NYAP2: variants seen among roughly 807,000 people sequenced by gnomAD.
NYAP2 encodes neuronal tyrosine-phosphorylated phosphoinositide-3-kinase adapter 2.
Under a neutral mutation model 50.4 loss-of-function variants are expected in NYAP2, and 23 were observed. The ratio of observed to expected loss-of-function variants is 0.46; its 90% CI spans 0.33 to 0.65. NYAP2 has a LOEUF of 0.65. NYAP2 is among the 30% of genes least tolerant of loss of function. The probability of loss-of-function intolerance (pLI) is 0.02; values close to 1 mark genes in which losing one functional copy is unlikely to be tolerated. For missense variants in NYAP2, 885 were observed against 861.0 expected, an observed-to-expected ratio of 1.03 and a Z score of -0.35; for synonymous variants, 394 against 365.2, an observed-to-expected ratio of 1.08 and a Z score of -0.90.
chr2:225,600,996 G>A (rs949707302), intron 5 of NYAP2, among the ~76,000 whole-genome samples: 2 of 152,076 alleles, frequency 1.3e-5, no homozygotes. Flanking sequence ...TGGCTATTTT[G>A]AGTAATACAA....
intron 3 of NYAP2, among the ~76,000 whole-genome samples, chr2:225,490,083 GAACTGTCTTTGACAAGTCA>G (rs1157044804): frequency 3.3e-5 from 5 of 152,166 alleles, no homozygotes; most frequent in African/African-American, 7.2e-5. Flanking sequence ...GAAACCTCCT[GAACTGTCTTTGACAAGTCA>G]AACTGTGTTT....
At chr2:225,426,968 A>G (rs1317074156) in intron 3 of NYAP2, among the ~76,000 whole-genome samples, 1 of 152,238 alleles carries the variant, frequency 6.6e-6, no homozygotes, top group East Asian at 1.9e-4. Flanking sequence ...TCATATAGCA[A>G]GTCATTGCTA....
chr2:225,470,794 A>AAT (rs879890030), intron 3 of NYAP2, among the ~76,000 whole-genome samples: 1 of 147,536 alleles, frequency 6.8e-6, no homozygotes, highest in Non-Finnish European at 1.5e-5. Flanking sequence ...TCTTACATGA[A>AAT]ATATATATGT....
At chr2:225,701,865 C>T in the NYAP2 span, 1 of 151,658 alleles carries the variant, frequency 6.6e-6, no homozygotes, top group East Asian at 1.9e-4. Context: ...TTTATTACTA[C>T]ATTTTGTTGG....
chr2:225,665,848 CAGAT>C, the NYAP2 span, among the ~76,000 whole-genome samples: 1 of 140,246 alleles, frequency 7.1e-6, no homozygotes, highest in Non-Finnish European at 1.5e-5. Flanking sequence ...GCCCACCACC[CAGAT>C]AGACAGGAGG....
At chr2:225,537,153 G>A (rs1691366635) in intron 4 of NYAP2, among the ~76,000 whole-genome samples, 1 of 151,982 alleles carries the variant, frequency 6.6e-6, no homozygotes, top group Non-Finnish European at 1.5e-5. Flanking sequence ...TACCATCCCA[G>A]CCTCTGGTAA....
chr2:225,400,228 G>A (rs1453093253), exon 1 of NYAP2: 1 of 152,112 alleles, frequency 6.6e-6, no homozygotes. Context: ...CAGAAACAGA[G>A]AAGAAAGATT....
intron 3 of NYAP2, among the ~76,000 whole-genome samples, chr2:225,456,637 AC>A (rs1455238188): frequency 6.6e-5 from 10 of 152,102 alleles, no homozygotes; most frequent in Non-Finnish European, 7.4e-5. Flanking sequence ...TTCAGTTACA[AC>A]CACGTGTGCT....
the NYAP2 span, among the ~76,000 whole-genome samples, chr2:225,693,985 T>C: frequency 6.6e-6 from 1 of 152,082 alleles, no homozygotes; most frequent in African/African-American, 2.4e-5. Context: ...GGACTTATTA[T>C]CCAAGGATGT....
chr2:225,436,192 T>C (rs1689372719), intron 3 of NYAP2, among the ~76,000 whole-genome samples: 1 of 152,176 alleles, frequency 6.6e-6, no homozygotes, highest in Non-Finnish European at 1.5e-5. Flanking sequence ...CTTTTGCCTA[T>C]AAAATAAAGG....
At chr2:225,673,573 G>A in the NYAP2 span, among the ~76,000 whole-genome samples, 1 of 152,122 alleles carries the variant, frequency 6.6e-6, no homozygotes, top group African/African-American at 2.4e-5. Flanking sequence ...GATTATTGCT[G>A]TGCATTCATT....
intron 3 of NYAP2, among the ~76,000 whole-genome samples, chr2:225,459,351 C>A (rs1428223480): frequency 6.6e-6 from 1 of 152,066 alleles, no homozygotes. Context: ...GTTTGTATCC[C>A]CCAGTGACTA....
At chr2:225,440,969 C>G (rs13406326) in intron 3 of NYAP2, among the ~76,000 whole-genome samples, 1 of 152,042 alleles carries the variant, frequency 6.6e-6, no homozygotes, top group Non-Finnish European at 1.5e-5. Context: ...TGTCAAGGAG[C>G]CTTGGTGATC....
chr2:225,664,059 G>A, the NYAP2 span, among the ~76,000 whole-genome samples: 6 of 152,018 alleles, frequency 3.9e-5, no homozygotes, highest in Non-Finnish European at 5.9e-5. Context: ...TGTACTTACT[G>A]TCATAACCAT....
At chr2:225,655,909 C>CACACACACACACACACACACACACAT (rs1559242687), downstream of NYAP2, among the ~76,000 whole-genome samples, 24 of 146,322 alleles carry the variant, frequency 1.6e-4, no homozygotes, top group African/African-American at 5.8e-4. Flanking sequence ...CACACACACA[C>CACACACACACACACACACACACACAT]ACACACACAC....
At chr2:225,608,776 G>T (rs1416718098) in intron 5 of NYAP2, among the ~76,000 whole-genome samples, 1 of 152,060 alleles carries the variant, frequency 6.6e-6, no homozygotes, top group Non-Finnish European at 1.5e-5. Context: ...GGTCACTTTT[G>T]CCTTATTCTT....
At chr2:225,451,973 T>TAC (rs373016170) in intron 3 of NYAP2, among the ~76,000 whole-genome samples, 8 of 151,906 alleles carry the variant, frequency 5.3e-5, no homozygotes, top group African/African-American at 1.4e-4. Flanking sequence ...CACGTATATA[T>TAC]ACACACACAC....
intron 3 of NYAP2, among the ~76,000 whole-genome samples, chr2:225,501,199 A>G (rs1358203375): frequency 6.6e-6 from 1 of 152,210 alleles, no homozygotes; most frequent in Non-Finnish European, 1.5e-5. Flanking sequence ...TCTAGGTCCA[A>G]CTTCAAACTG....
chr2:225,404,613 T>C (rs1694910190), intron 2 of NYAP2, among the ~76,000 whole-genome samples: 1 of 152,012 alleles, frequency 6.6e-6, no homozygotes, highest in South Asian at 2.1e-4. Context: ...CTGGGTGGAA[T>C]GAAATTTCAA....
Sources: gnomAD v4.1 joint callset for allele counts (sites outside exome capture counted in the v4.1 genomes callset) on GRCh38, gnomAD v4.1.1 for gene constraint, MANE v1.5 for transcripts, NCBI Gene and HGNC (gene_info 2026-07-23, HGNC 2026-07-21) for gene names.